The following ADK variants were observed in gnomAD, a reference collection of about 807,000 sequenced individuals.
ADK encodes the protein N6,N6-dimethyladenosine kinase.
ADK carries 24 observed loss-of-function variants against 44.7 expected under a neutral mutation model. The ratio of observed to expected loss-of-function variants is 0.54; its 90% CI spans 0.39 to 0.76. The LOEUF is 0.76. Ranked by LOEUF, ADK falls within the 30% of genes least tolerant of loss-of-function variation. The pLI, the probability that ADK is intolerant of heterozygous loss-of-function variation, is 0.00. For synonymous variants in ADK, 128 were observed against 142.6 expected (o/e 0.90, Z 0.73); for missense variants, 321 against 425.1 (o/e 0.76, Z 2.15).
chr10:74,412,860 C>G (rs1430468666), intron 6 of ADK, among the ~76,000 whole-genome samples: 1 of 152,112 alleles, frequency 6.6e-6, no homozygotes, highest in Non-Finnish European at 1.5e-5. Context: ...GAATTCGAGA[C>G]CAGCCTGGTC....
At chr10:74,500,258 T>TA (rs1847844490) in intron 6 of ADK, among the ~76,000 whole-genome samples, 1 of 152,214 alleles carries the variant, frequency 6.6e-6, no homozygotes, top group African/African-American at 2.4e-5. Context: ...TGTTCTGTAT[T>TA]ACAGCCTTGA....
rs1844777440 is a variant in ADK, at chr10:74,231,853, G to T, written c.194+7262G>T. On this transcript the variant is annotated intron_variant, in intron 3 of 10. Transcript: ENST00000539909. ...TCACTGTATTGCTTTTTAAACTAAG[G>T]TTTAAATAGTTCATTGTAATAAGAG... 3.3e-5 allele frequency among the ~76,000 whole-genome samples: 5 copies of T among 152,030 alleles called. No homozygotes were observed. The South Asian group carries it at 1.0e-3, about 31-fold the overall frequency.
chr10:74,207,860 T>C (rs1432795629), intron 2 of ADK, among the ~76,000 whole-genome samples: 1 of 152,140 alleles, frequency 6.6e-6, no homozygotes, highest in African/African-American at 2.4e-5. Context: ...CAGGAGAGTG[T>C]CTGCCTCCTG....
intron 7 of ADK, among the ~76,000 whole-genome samples, chr10:74,552,117 G>T (rs1850056187): frequency 6.6e-6 from 1 of 151,720 alleles, no homozygotes; most frequent in East Asian, 1.9e-4. Context: ...TACATATTTT[G>T]GGATCATTTT....
rs143839672 is a variant in ADK, at chr10:74,646,634, G to C, written c.878-23549G>C. 4.7e-3 allele frequency among the ~76,000 whole-genome samples: 720 copies of C among 152,326 alleles called. 2 individuals are homozygous for C. The highest frequency in any genetic ancestry group is 0.016 in the African/African-American group (678 of 41,576). On this transcript the variant is annotated intron_variant, in intron 9 of 10. Transcript: ENST00000539909. ...TTCATTGCTGTTGCTTTTGAAGCCT[G>C]ATAATGCCACACTACTCCTAATTAG...
intron 6 of ADK, among the ~76,000 whole-genome samples, chr10:74,461,302 A>G (rs1200966333): frequency 6.6e-6 from 1 of 152,106 alleles, no homozygotes; most frequent in Non-Finnish European, 1.5e-5. Flanking sequence ...CATTGCTTCC[A>G]TCTTAAAACT....
rs543010184 is a variant in ADK at position 74,591,030 on chromosome 10, T to G, written c.762+1713T>G. On this transcript the variant is annotated intron_variant, in intron 8 of 10. Coordinates refer to ENST00000539909, the MANE Select transcript of ADK (RefSeq NM_006721.4). Reference sequence around the variant, plus strand: ...CCAATTTTGCAGATACTTAGAAATATAATTTGTTATATAACATGATCATGA... The same window carrying G: ...CCAATTTTGCAGATACTTAGAAATAGAATTTGTTATATAACATGATCATGA... 5.3e-5 allele frequency among the ~76,000 whole-genome samples: 8 copies of G among 152,282 alleles called. No homozygotes were observed. In the East Asian group the frequency reaches 1.5e-3, roughly 29 times the overall value.
At position 74,183,136 on chromosome 10, in the gene ADK, T is replaced by TA. The variant is rs1388285447; in HGVS notation, c.66-17627dup. Reference sequence around the variant, plus strand: ...TTTTTGTAGAGATGGGGTTTAACCATATTGTCCAGGCTGGCTTTGAACTCC... The same window carrying TA: ...TTTTTGTAGAGATGGGGTTTAACCATAATTGTCCAGGCTGGCTTTGAACTCC... On this transcript the variant is annotated intron_variant, in intron 1 of 10. Coordinates refer to ENST00000539909, the MANE Select transcript of ADK (RefSeq NM_006721.4). 2.0e-5 allele frequency among the ~76,000 whole-genome samples: 3 copies of TA among 152,262 alleles called. No homozygotes were observed. The East Asian group carries it at 5.8e-4, about 30-fold the overall frequency.
chr10:74,423,700 G>C (rs1234235343), intron 6 of ADK: 1 of 442,236 alleles, frequency 2.3e-6, no homozygotes, highest in South Asian at 1.8e-5. Context: ...GACAATGTTG[G>C]GGCTGGCCTG....
At chr10:74,216,716 C>T (rs1252296915) in intron 2 of ADK, among the ~76,000 whole-genome samples, 2 of 110,104 alleles carry the variant, frequency 1.8e-5, no homozygotes, top group African/African-American at 7.7e-5. Context: ...CAGAGTGAAA[C>T]TCTGTCTCAA....
rs866389038 is a variant in ADK, at chr10:74,219,257, C to A, written c.141-5281C>A. 4.6e-4 allele frequency among the ~76,000 whole-genome samples: 69 copies of A among 151,610 alleles called. 1 individual carries two copies. The Middle Eastern group carries it at 0.014, about 30-fold the overall frequency. On this transcript the variant is annotated intron_variant, in intron 2 of 10. Transcript: ENST00000539909. Reference sequence around the variant, plus strand: ...AAACAGACTTTAAACCAACAAAGATCAAAAGAGACAAAGAAGGCCATTACA... The same window carrying A: ...AAACAGACTTTAAACCAACAAAGATAAAAAGAGACAAAGAAGGCCATTACA...
intron 4 of ADK, among the ~76,000 whole-genome samples, chr10:74,339,835 T>C (rs76208387): frequency 0.016 from 2,401 of 152,302 alleles, 30 homozygotes; most frequent in Middle Eastern, 0.034. Context: ...TTACTGTTCA[T>C]TTTATTCACC....
intron 4 of ADK, among the ~76,000 whole-genome samples, chr10:74,333,395 A>G (rs1369542414): frequency 6.6e-6 from 1 of 152,194 alleles, no homozygotes; most frequent in Non-Finnish European, 1.5e-5. Flanking sequence ...AGGCATGAGC[A>G]TTAGTAATCC....
At chr10:74,583,222 A>C (rs190962464) in intron 7 of ADK, among the ~76,000 whole-genome samples, 1 of 152,298 alleles carries the variant, frequency 6.6e-6, no homozygotes, top group East Asian at 1.9e-4. Context: ...CTTTATTGTT[A>C]AATTTCAGCA....
rs574641990 is a variant in ADK at position 74,404,391 on chromosome 10, T to C, written c.555+5812T>C. ...TTCTCTTTATTCCTTTTGGTTAGAA[T>C]TAGATTTCCATCTGGTATCATTTTC... On this transcript the variant is annotated intron_variant, in intron 6 of 10. Coordinates refer to ENST00000539909, the MANE Select transcript of ADK (RefSeq NM_006721.4). Among the ~76,000 whole-genome samples the C allele has an allele frequency of 2.0e-5, 3 of 152,332 alleles. No homozygotes were observed. The East Asian group carries it at 5.8e-4, about 29-fold the overall frequency.
chr10:74,392,541 A>G (rs976543341), intron 4 of ADK, among the ~76,000 whole-genome samples: 1 of 152,130 alleles, frequency 6.6e-6, no homozygotes, highest in Non-Finnish European at 1.5e-5. Context: ...AGTTTGTTAT[A>G]TATTCTGGAT....
chr10:74,513,728 T>C (rs553745207), intron 6 of ADK, among the ~76,000 whole-genome samples: 1 of 152,284 alleles, frequency 6.6e-6, no homozygotes, highest in South Asian at 2.1e-4. Context: ...CTATTTACAA[T>C]CGTGTTATTA....
chr10:74,224,860 C>G (rs1003093152), intron 3 of ADK, among the ~76,000 whole-genome samples: 1 of 152,174 alleles, frequency 6.6e-6, no homozygotes, highest in Non-Finnish European at 1.5e-5. Context: ...ATATGTCATG[C>G]TATTTTCTCT....
rs778891026 is a variant in ADK at position 74,571,740 on chromosome 10, TG to T, written c.727-17540del. Among the ~76,000 whole-genome samples the T allele has an allele frequency of 3.8e-4, 58 of 152,270 alleles. 1 individual carries two copies. The highest frequency in any genetic ancestry group is 3.5e-4 in the Non-Finnish European group (24 of 68,024). On this transcript the variant is annotated intron_variant, in intron 7 of 10. Coordinates refer to ENST00000539909, the MANE Select transcript of ADK (RefSeq NM_006721.4). Reference sequence around the variant, plus strand: ...TTGATCCTTTCAAAAAAGCAGCTCCTGGATTCATTAATTTTTTGAAGGGTTT... The same window carrying T: ...TTGATCCTTTCAAAAAAGCAGCTCCTGATTCATTAATTTTTTGAAGGGTTT...
Sources: gnomAD v4.1 joint callset for allele counts (sites outside exome capture counted in the v4.1 genomes callset) on GRCh38, gnomAD v4.1.1 for gene constraint, MANE v1.5 for transcripts, NCBI Gene and HGNC (gene_info 2026-07-23, HGNC 2026-07-21) for gene names.